Variants in LRP1B observed in about 807,000 individuals in gnomAD.
LRP1B encodes low-density lipoprotein receptor-related protein 1B.
LRP1B carries 217 observed loss-of-function variants against 556.6 expected under a neutral mutation model. The observed-to-expected ratio is 0.39, with a 90% CI of 0.35 to 0.44. The LOEUF (loss-of-function observed/expected upper bound fraction) is 0.44. LRP1B is among the 20% of genes least tolerant of loss of function. LRP1B has a pLI of 1.00. For synonymous variants in LRP1B, 2,047 were observed against 1,865.8 expected (o/e 1.10, Z -2.50); for missense variants, 5,053 against 5,620.8 (o/e 0.90, Z 3.23).
chr2:141,575,226 G>A (rs1271203299), intron 2 of LRP1B, among the ~76,000 whole-genome samples: 4 of 152,186 alleles, frequency 2.6e-5, no homozygotes, highest in Admixed American at 2.6e-4. Flanking sequence ...CAAGGCTACA[G>A]TAACCAAAAC....
At chr2:140,237,302 TATC>T (rs1193266487) in intron 89 of LRP1B, among the ~76,000 whole-genome samples, 4 of 151,034 alleles carry the variant, frequency 2.6e-5, no homozygotes, top group East Asian at 2.0e-4. Context: ...TATATGACAA[TATC>T]ATCCAGCTTT....
intron 29 of LRP1B, among the ~76,000 whole-genome samples, chr2:140,843,100 G>GTTGGTTTTTTTTTTTTTTT (rs1692170556): frequency 3.6e-5 from 1 of 27,980 alleles, no homozygotes; most frequent in African/African-American, 1.2e-4. Flanking sequence ...TTTTTTTTTT[G>GTTGGTTTTTTTTTTTTTTT]TTTTTTTTTT....
chr2:141,168,404 G>A (rs182615828), intron 7 of LRP1B, among the ~76,000 whole-genome samples: 2 of 152,142 alleles, frequency 1.3e-5, no homozygotes, highest in East Asian at 2.0e-4. Flanking sequence ...GAAGTGCACT[G>A]TGCAAGACAG....
intron 1 of LRP1B, among the ~76,000 whole-genome samples, chr2:141,857,900 C>T (rs1698113021): frequency 6.6e-6 from 1 of 152,010 alleles, no homozygotes; most frequent in African/African-American, 2.4e-5. Context: ...TTTTCCTGGC[C>T]CTAGGAGAAA....
rs397770023 is a variant in LRP1B, at chr2:142,040,624, G to GTTT, written c.82+90021_82+90023dup. ...AATGCATGCTAAAAACAGTACTGAG[G>GTTT]TTTTTTTTTTTTTTAATAGCTAGTT... On this transcript the variant is annotated intron_variant, in intron 1 of 90. Transcript: ENST00000389484. Among the ~76,000 whole-genome samples, 1,033 of 143,806 alleles carry GTTT rather than the reference G, an allele frequency of 7.2e-3. 12 individuals are homozygous for GTTT. Among genetic ancestry groups the GTTT allele is most frequent in the African/African-American group, 0.024 (954 of 39,452 alleles). The allele number at this position is 143,806 out of a possible 152,430, so 94.3% of individuals were successfully genotyped here.
chr2:140,502,192 A>C (rs1165486376), intron 54 of LRP1B, among the ~76,000 whole-genome samples: 1 of 152,044 alleles, frequency 6.6e-6, no homozygotes, highest in African/African-American at 2.4e-5. Context: ...CAAAAGTTTA[A>C]TGATAGTTTG....
intron 7 of LRP1B, among the ~76,000 whole-genome samples, chr2:141,093,990 T>A (rs924985260): frequency 3.9e-5 from 6 of 152,160 alleles, no homozygotes; most frequent in African/African-American, 1.4e-4. Context: ...ATGCTGGGAT[T>A]ACAGATATGA....
At chr2:141,421,185 C>T (rs1475037151) in intron 3 of LRP1B, among the ~76,000 whole-genome samples, 1 of 152,122 alleles carries the variant, frequency 6.6e-6, no homozygotes, top group African/African-American at 2.4e-5. Flanking sequence ...TTGCTGATAT[C>T]GCTTCTGGAG....
intron 3 of LRP1B, among the ~76,000 whole-genome samples, chr2:141,394,179 T>A (rs1690158814): frequency 6.6e-6 from 1 of 152,140 alleles, no homozygotes; most frequent in African/African-American, 2.4e-5. Flanking sequence ...GTTAACTGCA[T>A]AATAAGAAAT....
chr2:141,690,398 T>TAAATAAAA (rs3039235), intron 2 of LRP1B, among the ~76,000 whole-genome samples: 13 of 28,152 alleles, frequency 4.6e-4, no homozygotes, highest in African/African-American at 1.4e-3. Flanking sequence ...CATCTATAAA[T>TAAATAAAA]ATATATATAT....
chr2:140,581,040 G>T (rs1480506247), intron 43 of LRP1B, among the ~76,000 whole-genome samples: 1 of 152,174 alleles, frequency 6.6e-6, no homozygotes, highest in African/African-American at 2.4e-5. Flanking sequence ...TGTGTAATTT[G>T]TTATGGCAGT....
rs546051611 is a variant in LRP1B, at chr2:140,917,763, G to T, written c.3319+5202C>A. ...TATTCTCCTTGATACTATAATGATG[G>T]ATACATGTCATCATATATTTGTCAA... On this transcript the variant is annotated intron_variant, in intron 21 of 90. Transcript: ENST00000389484. Among the ~76,000 whole-genome samples, 102 of 152,058 alleles carry T rather than the reference G, an allele frequency of 6.7e-4. 2 individuals are homozygous for T. Among genetic ancestry groups the T allele is most frequent in the African/African-American group, 2.3e-3 (96 of 41,490 alleles).
At chr2:141,660,305 A>G (rs1690165556) in intron 2 of LRP1B, among the ~76,000 whole-genome samples, 1 of 152,054 alleles carries the variant, frequency 6.6e-6, no homozygotes, top group African/African-American at 2.4e-5. Flanking sequence ...TTTTCCATGG[A>G]TTTGTGCAAC....
At chr2:141,706,873 G>T (rs967642823) in intron 2 of LRP1B, among the ~76,000 whole-genome samples, 5 of 151,888 alleles carry the variant, frequency 3.3e-5, no homozygotes, top group Non-Finnish European at 5.9e-5. Flanking sequence ...AGTAATATTT[G>T]ATTCTACTCT....
At chr2:140,444,489 T>C (rs753574578) in intron 64 of LRP1B, 40 bp from the exon 65 acceptor site, 2 of 1,613,464 alleles carry the variant, frequency 1.2e-6, no homozygotes, top group Non-Finnish European at 8.5e-7. Context: ...AATTTGTGTC[T>C]GAATTAAAAT....
chr2:141,776,543 C>T (rs1695080678), intron 2 of LRP1B, among the ~76,000 whole-genome samples: 1 of 152,136 alleles, frequency 6.6e-6, no homozygotes, highest in African/African-American at 2.4e-5. Context: ...AACTGGATTA[C>T]ACAACATGGA....
intron 82 of LRP1B, among the ~76,000 whole-genome samples, chr2:140,316,080 G>A (rs572728908): frequency 2.0e-5 from 3 of 152,228 alleles, no homozygotes; most frequent in East Asian, 3.9e-4. Flanking sequence ...GATAAAGATA[G>A]GTTTGGAATC....
intron 2 of LRP1B, among the ~76,000 whole-genome samples, chr2:141,582,204 G>A (rs1686976284): frequency 6.6e-6 from 1 of 152,148 alleles, no homozygotes; most frequent in African/African-American, 2.4e-5. Context: ...CTATATTCCT[G>A]TCTTAGTCTA....
At chr2:141,459,595 G>A (rs189335045) in intron 3 of LRP1B, among the ~76,000 whole-genome samples, 1 of 152,150 alleles carries the variant, frequency 6.6e-6, no homozygotes, top group Admixed American at 6.6e-5. Context: ...GAACTCGGTG[G>A]GAAATAACTG....
Sources: allele counts gnomAD v4.1 joint callset (sites outside exome capture counted in the v4.1 genomes callset), GRCh38; gene constraint gnomAD v4.1.1; transcripts MANE v1.5; gene names NCBI Gene and HGNC (gene_info 2026-07-23, HGNC 2026-07-21).